DGKD: variants seen among roughly 807,000 people sequenced by gnomAD.
DGKD encodes the protein DAG kinase delta.
DGKD carries 68 observed loss-of-function variants against 154.4 expected under a neutral mutation model. The ratio of observed to expected loss-of-function variants is 0.44; its 90% confidence interval spans 0.36 to 0.54. The LOEUF (loss-of-function observed/expected upper bound fraction) is 0.54, where lower values mean the gene tolerates loss of function less well. Ranked by LOEUF, DGKD falls within the 20% of genes least tolerant of loss-of-function variation. The probability of loss-of-function intolerance (pLI) is 0.00; values close to 1 mark genes in which losing one functional copy is unlikely to be tolerated. For synonymous variants in DGKD, 693 were observed against 638.0 expected (o/e 1.09, Z -1.30); for missense variants, 1,343 against 1,593.6 (o/e 0.84, Z 2.68).
intron 2 of DGKD, among the ~76,000 whole-genome samples, chr2:233,389,362 G>A (rs1446159737): frequency 6.6e-6 from 1 of 152,216 alleles, no homozygotes; most frequent in East Asian, 1.9e-4. Context: ...CGGATGTGGT[G>A]TTAGACATTC....
In DGKD at chr2:233,378,750, G is replaced by C. The variant is rs142868327; in HGVS notation, c.157-9507G>C. On this transcript the variant is annotated intron_variant, in intron 1 of 29. Transcript: ENST00000264057. ...ATTTTTATAATTTCTTTAAAGATTA[G>C]GGATATTAGCCCTTTGTAGTATTTT... Among the ~76,000 whole-genome samples, 56 of 152,228 alleles carry C rather than the reference G, an allele frequency of 3.7e-4. No individual in the cohort carries two copies. The East Asian group carries it at 0.011, about 29-fold the overall frequency.
chr2:233,461,443 G>A (rs770485690), intron 24 of DGKD, among the ~76,000 whole-genome samples: 3 of 152,242 alleles, frequency 2.0e-5, no homozygotes, highest in South Asian at 2.1e-4. Flanking sequence ...AGTCATCACC[G>A]GCGTTCCTCG....
At chr2:233,402,670 G>T (rs1281607598) in intron 3 of DGKD, among the ~76,000 whole-genome samples, 1 of 152,218 alleles carries the variant, frequency 6.6e-6, no homozygotes, top group Non-Finnish European at 1.5e-5. Context: ...TGGGGACAAG[G>T]TTAGCCCCTG....
In DGKD at chr2:233,456,197, C is replaced by G. The variant is rs746327413; in HGVS notation, c.2376-702C>G. Among the ~76,000 whole-genome samples, 4 of 152,224 alleles carry G rather than the reference C, an allele frequency of 2.6e-5. No individual in the cohort carries two copies. In the South Asian group the frequency reaches 8.3e-4, roughly 32 times the overall value. ...TTGGAAATGTTGGTTGACGTAGGTA[C>G]GAAGGGACTCCTAGCGTGTCATTTC... On this transcript the variant is annotated intron_variant, in intron 19 of 29. Coordinates refer to ENST00000264057, the MANE Select transcript of DGKD (RefSeq NM_152879.3).
At chr2:233,453,375 G>A (rs1249425137) in intron 18 of DGKD, among the ~76,000 whole-genome samples, 1 of 152,148 alleles carries the variant, frequency 6.6e-6, no homozygotes, top group Non-Finnish European at 1.5e-5. Context: ...TCTTTGTCCT[G>A]TTTCTCTCCG....
At chr2:233,390,216 T>A (rs1559494248) in intron 2 of DGKD, among the ~76,000 whole-genome samples, 187 bp from the exon 3 acceptor site, 1 of 152,170 alleles carries the variant, frequency 6.6e-6, no homozygotes, top group Admixed American at 6.5e-5. Flanking sequence ...GAGCCCGAGC[T>A]TTTGGTTAGA....
At position 233,424,628 on chromosome 2, in the gene DGKD, C is replaced by T. The variant is rs533378189; in HGVS notation, c.349-9752C>T. 7.4e-4 allele frequency among the ~76,000 whole-genome samples: 113 copies of T among 152,198 alleles called. 2 individuals carry two copies. The highest frequency in any genetic ancestry group is 6.5e-4 in the Admixed American group (10 of 15,290). Reference sequence around the variant, plus strand: ...CCACTGGCCCTGGTGTGAGGCACCACCCAGATGAGGAGAGGCTGCGGGATG... The same window carrying T: ...CCACTGGCCCTGGTGTGAGGCACCATCCAGATGAGGAGAGGCTGCGGGATG... On this transcript the variant is annotated intron_variant, in intron 3 of 29. Transcript: ENST00000264057.
intron 1 of DGKD, among the ~76,000 whole-genome samples, chr2:233,367,292 G>A (rs1401759925): frequency 6.6e-6 from 1 of 151,120 alleles, no homozygotes; most frequent in African/African-American, 2.4e-5. Flanking sequence ...GCAGTGGTGC[G>A]ATCTCGGCTC....
chr2:233,358,686 T>TA (rs1212170131), intron 1 of DGKD, among the ~76,000 whole-genome samples: 1 of 152,244 alleles, frequency 6.6e-6, no homozygotes, highest in Non-Finnish European at 1.5e-5. Context: ...TAACTTAGCA[T>TA]AATATTTTTA....
At position 233,457,052 on chromosome 2, in the gene DGKD, C is replaced by A; in HGVS notation, c.2472+57C>A. 1 of 1,440,934 alleles carries A rather than the reference C, an allele frequency of 6.9e-7. No individual in the cohort carries two copies. Among genetic ancestry groups the A allele is most frequent in the East Asian group, 2.3e-5 (1 of 44,076 alleles). The allele number at this position is 1,440,934 out of a possible 1,614,324, so 89.3% of individuals were successfully genotyped here. On this transcript the variant is annotated intron_variant, in intron 20 of 29. Transcript: ENST00000264057. The surrounding 1 kb of genome is among the most constrained non-coding windows in gnomAD (Gnocchi z 5.5). ...TGGCCTCCATCCATCAGCAGACTGCCAGGCCTATTGCTTCTCCTGTTGACC... is the reference window on the plus strand; with the variant it reads ...TGGCCTCCATCCATCAGCAGACTGCAAGGCCTATTGCTTCTCCTGTTGACC...
chr2:233,458,480 A>C lies in DGKD; in HGVS notation c.2694+83A>C. On this transcript the variant is annotated intron_variant, in intron 22 of 29. Transcript: ENST00000264057. The surrounding 1 kb of genome is among the most constrained non-coding windows in gnomAD (Gnocchi z 6.6). Reference sequence around the variant, plus strand: ...TCTGGGGCAGTGCATGGAGCCTGGGAGGGTGGGCGCTTTCCAGGGCCATGT... The same window carrying C: ...TCTGGGGCAGTGCATGGAGCCTGGGCGGGTGGGCGCTTTCCAGGGCCATGT... 9.2e-7 allele frequency: 1 copy of C among 1,092,822 alleles called. No homozygotes were observed. The highest frequency in any genetic ancestry group is 2.6e-5 in the East Asian group (1 of 39,178). 67.7% of individuals were successfully genotyped at this position (1,092,822 alleles called of 1,614,324 possible). A position where few individuals can be genotyped will look rare whatever the true frequency, so the allele number is the denominator to read the frequency against.
At chr2:233,368,851 C>T (rs1317386057) in intron 1 of DGKD, among the ~76,000 whole-genome samples, 4 of 152,272 alleles carry the variant, frequency 2.6e-5, no homozygotes, top group South Asian at 4.1e-4. Flanking sequence ...TGCTATGTTG[C>T]GATCTGTTTT....
Position 233,456,938 on chromosome 2 carries a change from A to G in DGKD, c.2415A>G (p.Gly805=), listed in dbSNP as rs772756887. The G allele has an allele frequency of 2.5e-6, 4 of 1,614,088 alleles. No homozygotes were observed. In the South Asian group the frequency reaches 3.3e-5, roughly 13 times the overall value. ...TKNMMWYGVL[G]TKELLHRTYK... ...ACATGATGTGGTATGGAGTTCTTGG[A>G]ACCAAAGAGTTGCTGCACAGAACCT... Residue 805 remains glycine, a synonymous_variant, in exon 20 of 30, where the codon GGA becomes GGG. Transcript: ENST00000264057.
At chr2:233,427,918 T>C (rs1575099756) in intron 3 of DGKD, among the ~76,000 whole-genome samples, 1 of 152,134 alleles carries the variant, frequency 6.6e-6, no homozygotes, top group Non-Finnish European at 1.5e-5. Context: ...GTGGGCAGGG[T>C]GAGCAGCCAG....
intron 3 of DGKD, among the ~76,000 whole-genome samples, chr2:233,403,043 C>T (rs981680602): frequency 1.3e-5 from 2 of 151,948 alleles, no homozygotes; most frequent in African/African-American, 4.8e-5. Context: ...CTCTGAGGAG[C>T]GGCATGAGAG....
chr2:233,391,167 A>G (rs181671391), intron 3 of DGKD, among the ~76,000 whole-genome samples: 1 of 152,146 alleles, frequency 6.6e-6, no homozygotes, highest in Non-Finnish European at 1.5e-5. Context: ...TTGAATGTTA[A>G]TATTTTGGTG....
At chr2:233,462,842 G>A in intron 26 of DGKD, 107 bp downstream of exon 26, 1 of 1,022,822 alleles carries the variant, frequency 9.8e-7, no homozygotes, top group African/African-American at 1.6e-5. Flanking sequence ...AGAGTTCCCG[G>A]TCTTAAGGAA....
At chr2:233,423,726 C>T (rs537383899) in intron 3 of DGKD, among the ~76,000 whole-genome samples, 26 of 152,016 alleles carry the variant, frequency 1.7e-4, no homozygotes, top group Non-Finnish European at 2.9e-4. Flanking sequence ...GTGTTACTGC[C>T]GTTGTCAGTT....
chr2:233,360,461 C>G (rs1022885920), intron 1 of DGKD, among the ~76,000 whole-genome samples: 1 of 152,074 alleles, frequency 6.6e-6, no homozygotes, highest in African/African-American at 2.4e-5. Flanking sequence ...CACTATGTTG[C>G]CCATGCTTGG....
Sources: allele counts gnomAD v4.1 joint callset (sites outside exome capture counted in the v4.1 genomes callset), GRCh38; gene constraint gnomAD v4.1.1; non-coding constraint Gnocchi (gnomAD v3.1); transcripts MANE v1.5; gene names NCBI Gene and HGNC (gene_info 2026-07-23, HGNC 2026-07-21).